The following XRCC1 variants were observed in gnomAD, a reference collection of about 807,000 sequenced individuals.
XRCC1 encodes the protein X-ray repair cross complementing 1, also known as DNA repair protein XRCC1.
XRCC1 carries 52 observed loss-of-function variants against 83.3 expected under a neutral mutation model. The ratio of observed to expected loss-of-function variants is 0.62; its 90% CI spans 0.50 to 0.79. XRCC1 has a LOEUF of 0.79. XRCC1 is among the 30% of genes least tolerant of loss of function. XRCC1 has a pLI of 0.00. For synonymous variants in XRCC1, 281 were observed against 312.6 expected (o/e 0.90, Z 1.07); for missense variants, 793 against 823.5 (o/e 0.96, Z 0.45).
Position 43,560,964 on chromosome 19 carries a change from G to A in XRCC1, c.201C>T (p.Phe67=), listed in dbSNP as rs1321444441. 15 of 1,614,060 alleles carry A rather than the reference G, an allele frequency of 9.3e-6. No homozygotes were observed. The highest frequency in any genetic ancestry group is 1.6e-4 in the Middle Eastern group (1 of 6,084). ...CTGAACTGCCCACCAGCACCTCCACGAAAGCTGAGCCATCATTCCCAATGT... is the reference window on the plus strand; with the variant it reads ...CTGAACTGCCCACCAGCACCTCCACAAAAGCTGAGCCATCATTCCCAATGT... The part of the protein sequence containing the change: ...SVDIGNDGSA[F]VEVLVGSSAG... Residue 67 remains phenylalanine, a synonymous_variant, in exon 3 of 17, where the codon TTC becomes TTT. Coordinates refer to ENST00000262887, the MANE Select transcript of XRCC1 (RefSeq NM_006297.3).
chr19:43,555,058 A>G (rs1016667473), intron 3 of XRCC1: 1 of 326,022 alleles, frequency 3.1e-6, no homozygotes, highest in Non-Finnish European at 5.6e-6. Flanking sequence ...GGAGTCTTCC[A>G]TATCTGGCAA....
chr19:43,548,129 G>C (rs1250376212), intron 10 of XRCC1, among the ~76,000 whole-genome samples: 1 of 149,446 alleles, frequency 6.7e-6, no homozygotes, highest in Non-Finnish European at 1.5e-5. Flanking sequence ...GCCCCCGCCC[G>C]GCCAGCCGCC....
intron 3 of XRCC1, among the ~76,000 whole-genome samples, chr19:43,555,967 G>A (rs1040694119): frequency 6.6e-6 from 1 of 152,090 alleles, no homozygotes; most frequent in African/African-American, 2.4e-5. Context: ...ATAGCTCACT[G>A]CAGCCTCGAC....
At chr19:43,554,315 G>T (rs564557227) in intron 4 of XRCC1, among the ~76,000 whole-genome samples, 1 of 152,282 alleles carries the variant, frequency 6.6e-6, no homozygotes, top group South Asian at 2.1e-4. Context: ...GTATAGCCAG[G>T]ACGTGAACTC....
At chr19:43,565,104 G>C (rs777447058) in intron 2 of XRCC1, among the ~76,000 whole-genome samples, 1 of 152,020 alleles carries the variant, frequency 6.6e-6, no homozygotes, top group African/African-American at 2.4e-5. Context: ...TGGGGGTTAC[G>C]TGAGGCCCAC....
intron 3 of XRCC1, among the ~76,000 whole-genome samples, chr19:43,557,351 G>C (rs1972648916): frequency 6.7e-6 from 1 of 150,268 alleles, no homozygotes; most frequent in Non-Finnish European, 1.5e-5. Flanking sequence ...AGCCACTTTT[G>C]GTTGGGTATA....
intron 4 of XRCC1, among the ~76,000 whole-genome samples, chr19:43,554,212 G>A (rs955160216): frequency 6.6e-6 from 1 of 152,286 alleles, no homozygotes; most frequent in Middle Eastern, 3.4e-3. Context: ...ACAGCTTTTA[G>A]CATCCCTTAA....
chr19:43,545,602 C>T (rs887097199), intron 14 of XRCC1, among the ~76,000 whole-genome samples: 1 of 152,098 alleles, frequency 6.6e-6, no homozygotes, highest in Non-Finnish European at 1.5e-5. Flanking sequence ...AACAAGAAAT[C>T]TGGAGGGGAG....
In XRCC1 at chr19:43,550,425, TG is replaced by T. The variant is rs201450426; in HGVS notation, c.1199+1145del. Among the ~76,000 whole-genome samples, 183 of 152,236 alleles carry T rather than the reference TG, an allele frequency of 1.2e-3. 5 individuals are homozygous for T. The East Asian group carries it at 0.033, about 27-fold the overall frequency. On this transcript the variant is annotated intron_variant, in intron 10 of 16. Transcript: ENST00000262887. ...ATAACAGATGAGGGTTCTGTGAAGCTGCATGGAGCCCAGTGTGTAGCCTGGG... is the reference window on the plus strand; with the variant it reads ...ATAACAGATGAGGGTTCTGTGAAGCTCATGGAGCCCAGTGTGTAGCCTGGG...
chr19:43,574,272 T>C (rs1972832461), intron 2 of XRCC1, among the ~76,000 whole-genome samples: 1 of 152,000 alleles, frequency 6.6e-6, no homozygotes, highest in African/African-American at 2.4e-5. Context: ...GATGACATCT[T>C]ACTGTATTGC....
At position 43,553,594 on chromosome 19, in the gene XRCC1, A is replaced by G. The variant is rs1972605323; in HGVS notation, c.489+15T>C. 1 of 1,608,810 alleles carries G rather than the reference A, an allele frequency of 6.2e-7. No homozygotes were observed. Among genetic ancestry groups the G allele is most frequent in the Admixed American group, 1.7e-5 (1 of 59,866 alleles). ...GGCAGGGAGAAGGCCATGGGGAGTG[A>G]CAGGTACAGCTTACCTGGGACGGGG... On this transcript the variant is annotated intron_variant, in intron 5 of 16. Coordinates refer to ENST00000262887, the MANE Select transcript of XRCC1 (RefSeq NM_006297.3).
At chr19:43,547,953 A>T (rs1481103188) in intron 10 of XRCC1, among the ~76,000 whole-genome samples, 1 of 150,628 alleles carries the variant, frequency 6.6e-6, no homozygotes, top group Non-Finnish European at 1.5e-5. Context: ...AGACTACAAC[A>T]CTATAATCAT....
chr19:43,569,685 G>A (rs751469960), intron 2 of XRCC1, among the ~76,000 whole-genome samples: 2 of 152,082 alleles, frequency 1.3e-5, no homozygotes, highest in Non-Finnish European at 2.9e-5. Flanking sequence ...GGGAGGCTGA[G>A]GCAAGAGAAC....
intron 6 of XRCC1, 89 bp downstream of exon 6, chr19:43,553,312 G>A (rs537431873): frequency 1.0e-5 from 15 of 1,455,002 alleles, no homozygotes; most frequent in Admixed American, 5.4e-5. Flanking sequence ...CTCAGACCCA[G>A]GAATCTGAGC....
At chr19:43,559,884 A>G (rs954866286) in intron 3 of XRCC1, among the ~76,000 whole-genome samples, 3 of 151,860 alleles carry the variant, frequency 2.0e-5, no homozygotes, top group Non-Finnish European at 4.4e-5. Flanking sequence ...GTTTGAGACC[A>G]GCCTGGGCAA....
rs201185839 is a variant in XRCC1, at chr19:43,551,691, G to C, written c.1083-4C>G. On this transcript the variant is annotated splice_polypyrimidine_tract_variant and splice_region_variant and intron_variant, in intron 9 of 16. Coordinates refer to ENST00000262887, the MANE Select transcript of XRCC1 (RefSeq NM_006297.3). Reference sequence around the variant, plus strand: ...GGGGGTGTTGGCAAAGGCACAGCTGGTGGGGGGCAGAAGTGAAGATGCCAG... The same window carrying C: ...GGGGGTGTTGGCAAAGGCACAGCTGCTGGGGGGCAGAAGTGAAGATGCCAG... 216 of 1,612,836 alleles carry C rather than the reference G, an allele frequency of 1.3e-4. No individual in the cohort carries two copies. The African/African-American group carries it at 2.3e-3, about 17-fold the overall frequency.
chr19:43,552,468 C>A (rs965481431), intron 8 of XRCC1, among the ~76,000 whole-genome samples, 193 bp from the exon 9 acceptor site: 1 of 139,880 alleles, frequency 7.1e-6, no homozygotes, highest in East Asian at 2.2e-4. Context: ...GGAGTCCAGG[C>A]CCCCAGCCCC....
intron 10 of XRCC1, among the ~76,000 whole-genome samples, chr19:43,549,378 G>A (rs1166291501): frequency 6.6e-6 from 1 of 152,072 alleles, no homozygotes; most frequent in East Asian, 1.9e-4. Context: ...TCCTGCCTCA[G>A]CCTCTAGAGT....
At chr19:43,574,807 A>G (rs1197918202) in intron 2 of XRCC1, 103 bp downstream of exon 2, 2 of 911,640 alleles carry the variant, frequency 2.2e-6, no homozygotes, top group Non-Finnish European at 3.6e-6. Flanking sequence ...GCTGAGGCCC[A>G]GCAAAGAAAG....
Sources: gnomAD v4.1 joint callset for allele counts (sites outside exome capture counted in the v4.1 genomes callset) on GRCh38, gnomAD v4.1.1 for gene constraint, MANE v1.5 for transcripts, NCBI Gene and HGNC (gene_info 2026-07-23, HGNC 2026-07-21) for gene names.